Variants in KLHL4 observed in about 807,000 individuals in gnomAD.
KLHL4 encodes kelch like family member 4, also known as kelch-like protein 4.
In KLHL4, 17 loss-of-function variants were observed where a neutral mutation model predicts 45.8. The observed-to-expected ratio is 0.37, with a 90% CI of 0.25 to 0.56. The LOEUF (loss-of-function observed/expected upper bound fraction) is 0.56, where lower values mean the gene tolerates loss of function less well. Among genes scored for constraint, KLHL4 ranks in the 20% least tolerant of loss-of-function variants. KLHL4 has a pLI of 0.79. For missense variants in KLHL4, 544 were observed against 544.9 expected, an observed-to-expected ratio of 1.00 and a Z score of 0.02; for synonymous variants, 224 against 189.9, an observed-to-expected ratio of 1.18 and a Z score of -1.47.
At chrX:87,582,225 G>A (rs992032832) in intron 1 of KLHL4, among the ~76,000 whole-genome samples, 4 of 111,533 alleles carry the variant, frequency 3.6e-5, no homozygotes, top group South Asian at 3.8e-4. Context: ...CATAAGAAAC[G>A]AAAATTAGGT....
At chrX:87,652,244 T>C (rs1923840859) in intron 9 of KLHL4, among the ~76,000 whole-genome samples, 1 of 112,399 alleles carries the variant, frequency 8.9e-6, no homozygotes, top group Non-Finnish European at 1.9e-5. Flanking sequence ...GGGGCTGCAA[T>C]GAAGATCTCT....
intron 1 of KLHL4, among the ~76,000 whole-genome samples, chrX:87,603,432 G>A (rs1353669731): frequency 9.0e-6 from 1 of 111,287 alleles, no homozygotes; most frequent in Non-Finnish European, 1.9e-5. Context: ...TTCTGCTGCT[G>A]TCGTTAGTAT....
rs2147816030 is a variant in KLHL4, at chrX:87,618,138, A to G, written c.924+10A>G. On this transcript the variant is annotated intron_variant, in intron 4 of 10. Coordinates refer to ENST00000373119, the MANE Select transcript of KLHL4 (RefSeq NM_019117.5). ...ACACAAATACACTATGGTAAAATCA[A>G]TTGCTTCAACTGAACTTGTAGTAAA... is the stretch of plus-strand genomic sequence containing the variant. 8.7e-7 allele frequency: 1 copy of G among 1,149,756 alleles called. No individual in the cohort carries two copies. The highest frequency in any genetic ancestry group is 1.2e-6 in the Non-Finnish European group (1 of 854,028). 94.8% of individuals were successfully genotyped at this position (1,149,756 alleles called of 1,213,427 possible).
At chrX:87,636,199 T>C (rs1923259069) in intron 9 of KLHL4, among the ~76,000 whole-genome samples, 1 of 111,971 alleles carries the variant, frequency 8.9e-6, no homozygotes, top group Non-Finnish European at 1.9e-5. Flanking sequence ...GCATAGAATA[T>C]GTAAAAAGAA....
chrX:87,649,383 C>T (rs1395722947), intron 9 of KLHL4, among the ~76,000 whole-genome samples: 1 of 111,228 alleles, frequency 9.0e-6, no homozygotes, highest in Non-Finnish European at 1.9e-5. Flanking sequence ...GGCTGAATAT[C>T]ATTATTATAG....
intron 1 of KLHL4, among the ~76,000 whole-genome samples, chrX:87,613,085 C>T (rs148053019): frequency 0.042 from 4,686 of 111,512 alleles, 257 homozygotes; most frequent in African/African-American, 0.15. Context: ...TTAAAAGAAA[C>T]ACAGACTGAA....
At chrX:87,537,718 T>A (rs758471876) in intron 1 of KLHL4, among the ~76,000 whole-genome samples, 8 of 111,420 alleles carry the variant, frequency 7.2e-5, no homozygotes, top group Non-Finnish European at 1.3e-4. Context: ...ATGCCCATAT[T>A]TATTTAGTTA....
At chrX:87,574,679 G>A (rs948587310) in intron 1 of KLHL4, among the ~76,000 whole-genome samples, 10 of 111,417 alleles carry the variant, frequency 9.0e-5, no homozygotes, top group African/African-American at 3.3e-4. Context: ...AATCAGTGTG[G>A]GCATATGTTT....
intron 10 of KLHL4, among the ~76,000 whole-genome samples, chrX:87,666,013 T>A (rs1924359093): frequency 8.9e-6 from 1 of 111,838 alleles, no homozygotes; most frequent in Non-Finnish European, 1.9e-5. Flanking sequence ...CTTACGGGAT[T>A]TATTTTTCTG....
chrX:87,581,658 A>T (rs1194968962), intron 1 of KLHL4, among the ~76,000 whole-genome samples: 1 of 112,486 alleles, frequency 8.9e-6, no homozygotes, highest in Non-Finnish European at 1.9e-5. Flanking sequence ...TTAAAAGAAA[A>T]ACAAAGGAAC....
chrX:87,634,014 T>G, intron 8 of KLHL4, 103 bp downstream of exon 8: 1 of 641,016 alleles, frequency 1.6e-6, no homozygotes, highest in South Asian at 4.0e-5. Context: ...ATAACCTGGA[T>G]GTACTTGTTA....
At chrX:87,643,079 G>A (rs1923517033) in intron 9 of KLHL4, among the ~76,000 whole-genome samples, 1 of 111,403 alleles carries the variant, frequency 9.0e-6, no homozygotes, top group Admixed American at 9.6e-5. Context: ...AAAGATCAGA[G>A]CAGAACTAAA....
At chrX:87,620,088 C>A (rs1191902198) in intron 4 of KLHL4, among the ~76,000 whole-genome samples, 1 of 111,083 alleles carries the variant, frequency 9.0e-6, no homozygotes, top group Admixed American at 9.6e-5. Flanking sequence ...GTTACCCAGT[C>A]AAGTTCATAC....
intron 1 of KLHL4, among the ~76,000 whole-genome samples, chrX:87,528,607 C>T (rs1931164797): frequency 9.8e-6 from 1 of 102,146 alleles, no homozygotes; most frequent in Non-Finnish European, 2.0e-5. Context: ...TCCAGCAACT[C>T]GAGAGGCTGA....
At chrX:87,666,349 A>G in intron 10 of KLHL4, 126 bp from the exon 11 acceptor site, 4 of 565,267 alleles carry the variant, frequency 7.1e-6, no homozygotes, top group Non-Finnish European at 7.6e-6. Flanking sequence ...AGATTATCTC[A>G]TCTTTAGACA....
At chrX:87,532,074 G>GT (rs1375285884) in intron 1 of KLHL4, among the ~76,000 whole-genome samples, 1 of 110,041 alleles carries the variant, frequency 9.1e-6, no homozygotes, top group Non-Finnish European at 1.9e-5. Context: ...ACTACCTGAC[G>GT]TTTAAGTCTT....
chrX:87,669,082 G>GC lies in KLHL4; in HGVS notation c.*2549dup. 1 of 923,182 alleles carries GC rather than the reference G, an allele frequency of 1.1e-6. No individual in the cohort carries two copies. The highest frequency in any genetic ancestry group is 1.3e-6 in the Non-Finnish European group (1 of 746,787). The allele number at this position is 923,182 out of a possible 1,213,427, so 76.1% of individuals were successfully genotyped here. A position where few individuals can be genotyped will look rare whatever the true frequency, so the allele number is the denominator to read the frequency against. ...AGTAAGAGCAGGCCCTTTCTGACATGCTTTAGCAGAGATAACTTATCAGGG... is the reference window on the plus strand; with the variant it reads ...AGTAAGAGCAGGCCCTTTCTGACATGCCTTTAGCAGAGATAACTTATCAGGG... On this transcript the variant is annotated 3_prime_UTR_variant, in exon 11 of 11. Transcript: ENST00000373119.
At chrX:87,544,059 C>A (rs1337920143) in intron 1 of KLHL4, among the ~76,000 whole-genome samples, 1 of 110,718 alleles carries the variant, frequency 9.0e-6, no homozygotes. Context: ...GATCACATTT[C>A]TGGACCTGCC....
intron 1 of KLHL4, among the ~76,000 whole-genome samples, chrX:87,555,331 T>G (rs1931945390): frequency 1.8e-5 from 2 of 110,301 alleles, no homozygotes; most frequent in East Asian, 2.9e-4. Context: ...GAATTCGGCT[T>G]TGAATCCATC....
Sources: allele counts gnomAD v4.1 joint callset (sites outside exome capture counted in the v4.1 genomes callset), GRCh38; gene constraint gnomAD v4.1.1; transcripts MANE v1.5; gene names NCBI Gene and HGNC (gene_info 2026-07-23, HGNC 2026-07-21).